SNX13: variants seen among roughly 807,000 people sequenced by gnomAD.
SNX13 encodes sorting nexin 13.
A neutral mutation model predicts 133.6 loss-of-function variants in SNX13; 45 were observed. The ratio of observed to expected loss-of-function variants is 0.34; its 90% CI spans 0.27 to 0.43. The LOEUF is 0.43. Among genes scored for constraint, SNX13 ranks in the 20% least tolerant of loss-of-function variants. The pLI is 1.00. For missense variants in SNX13, 1,032 were observed against 1,145.1 expected, an observed-to-expected ratio of 0.90 and a Z score of 1.43; for synonymous variants, 414 against 373.9, an observed-to-expected ratio of 1.11 and a Z score of -1.24.
In SNX13 at chr7:17,821,604, T is replaced by C. The variant is rs373718789; in HGVS notation, c.1750A>G (p.Thr584Ala). ...CTGTTTAGGTTGCGCCGGTGTACAGTGATGGCATATAATGCATATGTCTTG... is the reference window on the plus strand; with the variant it reads ...CTGTTTAGGTTGCGCCGGTGTACAGCGATGGCATATAATGCATATGTCTTG... ...HGKTYALYAI[T>A]VHRRNLNSEE... The change falls in exon 18 of 26, where the codon ACT becomes GCT. Residue 584 changes from threonine (T) to alanine (A), a missense_variant. Transcript: ENST00000428135. 69 of 1,613,570 alleles carry C rather than the reference T, an allele frequency of 4.3e-5. No individual in the cohort carries two copies. Among genetic ancestry groups the C allele is most frequent in the Admixed American group, 8.3e-5 (5 of 59,978 alleles).
At chr7:17,881,100 A>G (rs1795284035) in intron 5 of SNX13, 1 of 152,198 alleles carries the variant, frequency 6.6e-6, no homozygotes, top group South Asian at 2.1e-4. Context: ...AAACAATCCT[A>G]TAATAAATGT....
intron 12 of SNX13, among the ~76,000 whole-genome samples, chr7:17,842,015 A>C (rs1468269664): frequency 6.6e-6 from 1 of 152,014 alleles, no homozygotes; most frequent in Non-Finnish European, 1.5e-5. Flanking sequence ...TGCTGGACCA[A>C]GTTACATATG....
At chr7:17,937,580 C>T (rs1477173880) in intron 1 of SNX13, among the ~76,000 whole-genome samples, 1 of 150,014 alleles carries the variant, frequency 6.7e-6, no homozygotes, top group Non-Finnish European at 1.5e-5. Context: ...CATATGAACA[C>T]TTATCATTAC....
intron 21 of SNX13, among the ~76,000 whole-genome samples, chr7:17,802,649 GAATT>G (rs1238117590): frequency 6.6e-6 from 1 of 152,086 alleles, no homozygotes; most frequent in Non-Finnish European, 1.5e-5. Flanking sequence ...GAAAGTATGA[GAATT>G]AACAGAAAAG....
At chr7:17,867,522 A>G (rs971396998) in intron 9 of SNX13, among the ~76,000 whole-genome samples, 2 of 152,034 alleles carry the variant, frequency 1.3e-5, no homozygotes, top group African/African-American at 4.8e-5. Context: ...CGGGAGGATC[A>G]CTTGAGCCAA....
intron 1 of SNX13, among the ~76,000 whole-genome samples, chr7:17,937,089 A>AC (rs1207042231): frequency 6.6e-6 from 1 of 151,528 alleles, no homozygotes; most frequent in African/African-American, 2.4e-5. Context: ...AAAAAAAAAA[A>AC]ATACATACAT....
chr7:17,799,303 T>TC, intron 22 of SNX13, 149 bp from the exon 23 acceptor site: 1 of 623,782 alleles, frequency 1.6e-6, no homozygotes, highest in Non-Finnish European at 2.6e-6. Context: ...AATTCTAATG[T>TC]AGAAAAAATA....
intron 20 of SNX13, among the ~76,000 whole-genome samples, chr7:17,806,947 G>T (rs1380760403): frequency 1.3e-5 from 2 of 152,224 alleles, no homozygotes; most frequent in Non-Finnish European, 2.9e-5. Context: ...TTTTCCCACA[G>T]TCTTTGCAAC....
intron 17 of SNX13, among the ~76,000 whole-genome samples, chr7:17,825,223 A>G (rs1787757004): frequency 6.6e-6 from 1 of 152,050 alleles, no homozygotes; most frequent in South Asian, 2.1e-4. Flanking sequence ...TCTATTTTAA[A>G]AAGATACAAG....
chr7:17,809,195 T>G (rs965820833), intron 20 of SNX13, among the ~76,000 whole-genome samples: 2 of 147,934 alleles, frequency 1.4e-5, no homozygotes, highest in African/African-American at 5.0e-5. Flanking sequence ...ACCGGAGTGC[T>G]GTATTCAGGA....
At chr7:17,812,418 G>C (rs940878391) in intron 20 of SNX13, among the ~76,000 whole-genome samples, 5 of 152,208 alleles carry the variant, frequency 3.3e-5, no homozygotes, top group Non-Finnish European at 7.3e-5. Context: ...CTGGTCATTA[G>C]AGAAATGCAT....
intron 25 of SNX13, chr7:17,795,726 A>C (rs1287530729): frequency 6.6e-6 from 1 of 151,822 alleles, no homozygotes; most frequent in Non-Finnish European, 1.5e-5. Context: ...ATAAATATTT[A>C]GTGAATAAAG....
At chr7:17,890,276 C>G (rs1405378225) in intron 5 of SNX13, 87 bp downstream of exon 5, 1 of 1,281,918 alleles carries the variant, frequency 7.8e-7, no homozygotes, top group Admixed American at 2.5e-5. Context: ...TTTTAATAAA[C>G]AATTCCTCCC....
chr7:17,805,924 A>G (rs2128291038), intron 20 of SNX13, among the ~76,000 whole-genome samples: 1 of 152,356 alleles, frequency 6.6e-6, no homozygotes, highest in Non-Finnish European at 1.5e-5. Context: ...GTTAACCATG[A>G]AAGAGGCAGA....
intron 19 of SNX13, among the ~76,000 whole-genome samples, chr7:17,815,510 A>C (rs1231430667): frequency 6.6e-6 from 1 of 152,196 alleles, no homozygotes; most frequent in African/African-American, 2.4e-5. Context: ...CCTCGAGCCC[A>C]GGAGTTCAAA....
chr7:17,795,496 GC>G (rs1284155601), intron 25 of SNX13: 1 of 151,550 alleles, frequency 6.6e-6, no homozygotes, highest in Non-Finnish European at 1.5e-5. Flanking sequence ...TCTCAGTGAG[GC>G]CTGCCCTGGC....
chr7:17,812,301 C>G (rs1786138932), intron 20 of SNX13, among the ~76,000 whole-genome samples: 2 of 151,684 alleles, frequency 1.3e-5, no homozygotes, highest in South Asian at 2.1e-4. Context: ...AACAAACTTA[C>G]AAGAAAAAAA....
intron 25 of SNX13, chr7:17,794,921 A>T (rs1308955355): frequency 1.3e-5 from 2 of 151,714 alleles, no homozygotes; most frequent in Admixed American, 1.3e-4. Flanking sequence ...AGACTTTCAG[A>T]TGCGATAACA....
chr7:17,868,802 G>A (rs1238731944), intron 8 of SNX13, among the ~76,000 whole-genome samples: 2 of 152,046 alleles, frequency 1.3e-5, no homozygotes, highest in African/African-American at 4.8e-5. Context: ...GACTAACAGT[G>A]TTTATGGATT....
Sources: allele counts gnomAD v4.1 joint callset (sites outside exome capture counted in the v4.1 genomes callset), GRCh38; gene constraint gnomAD v4.1.1; transcripts MANE v1.5; gene names NCBI Gene and HGNC (gene_info 2026-07-23, HGNC 2026-07-21).